DROSHA: variants seen among roughly 807,000 people sequenced by gnomAD.
The protein encoded by DROSHA is ribonuclease 3.
In DROSHA, 56 loss-of-function variants were observed where a neutral mutation model predicts 181.9. The ratio of observed to expected loss-of-function variants is 0.31; its 90% CI spans 0.25 to 0.38. DROSHA has a LOEUF of 0.38. Ranked by LOEUF, DROSHA falls within the 10% of genes least tolerant of loss-of-function variation. DROSHA has a pLI of 1.00. For missense variants in DROSHA, 1,218 were observed against 1,743.5 expected (o/e 0.70, Z 5.37); for synonymous variants, 524 against 591.2 (o/e 0.89, Z 1.65).
At chr5:31,410,696 G>A (rs767655139) in intron 31 of DROSHA, 50 bp downstream of exon 31, 1 of 1,571,774 alleles carries the variant, frequency 6.4e-7, no homozygotes, top group East Asian at 2.3e-5. Flanking sequence ...ACGGTTACTT[G>A]GACTTAAACT....
At chr5:31,475,347 T>C (rs913722028) in intron 16 of DROSHA, among the ~76,000 whole-genome samples, 1 of 152,068 alleles carries the variant, frequency 6.6e-6, no homozygotes, top group African/African-American at 2.4e-5. Flanking sequence ...TAAAAACACA[T>C]TCCAATCCAC....
chr5:31,504,715 G>T, intron 10 of DROSHA, 80 bp from the exon 11 acceptor site: 2 of 1,443,698 alleles, frequency 1.4e-6, no homozygotes, highest in Non-Finnish European at 1.9e-6. Flanking sequence ...GAAAATGCGT[G>T]GGTTTTAATG....
chr5:31,521,685 G>C (rs1159702137), intron 5 of DROSHA, among the ~76,000 whole-genome samples: 9 of 152,118 alleles, frequency 5.9e-5, no homozygotes, highest in Non-Finnish European at 1.0e-4. Context: ...TGGCTTATAG[G>C]CTTGAGTTGT....
In DROSHA at chr5:31,483,620, A is replaced by G. The variant is rs576947167; in HGVS notation, c.2005T>C (p.Phe669Leu). The G allele has an allele frequency of 7.5e-6, 12 of 1,610,620 alleles. No individual in the cohort carries two copies. In the South Asian group the frequency reaches 1.3e-4, roughly 18 times the overall value. ...GGGCAGCAGGGAGGGCTGTCTTCAA[A>G]CAAAGGACCTGAAGCAAACAAATGA... The part of the protein sequence containing the change: ...LYDWNLKGPL[F>L]EDSPPCCPRF... Residue 669 changes from phenylalanine to leucine, a missense_variant, in exon 16 of 36, where the codon TTT (phenylalanine) becomes CTT (leucine). Around this residue, in one of 8 missense-constraint regions of DROSHA, gnomAD observed 460 missense variants for 774.2 expected, o/e 0.59. Coordinates refer to ENST00000344624, the MANE Select transcript of DROSHA (RefSeq NM_001382508.1).
chr5:31,409,497 T>C lies in DROSHA; in HGVS notation c.3668-165A>G. 1.6e-6 allele frequency: 1 copy of C among 624,172 alleles called. No individual in the cohort carries two copies. Among genetic ancestry groups the C allele is most frequent in the Non-Finnish European group, 2.8e-6 (1 of 354,576 alleles). 38.7% of individuals were successfully genotyped at this position (624,172 alleles called of 1,614,324 possible). On this transcript the variant is annotated intron_variant, in intron 31 of 35. Coordinates refer to ENST00000344624, the MANE Select transcript of DROSHA (RefSeq NM_001382508.1). The surrounding 1 kb of genome is among the most constrained non-coding windows in gnomAD (Gnocchi z 4.0). Reference sequence around the variant, plus strand: ...ATCTTCCCCCACTTTTTATCATTAATATCAGAAGCAGCAAGAGATGTGTAA... The same window carrying C: ...ATCTTCCCCCACTTTTTATCATTAACATCAGAAGCAGCAAGAGATGTGTAA...
intron 17 of DROSHA, among the ~76,000 whole-genome samples, chr5:31,469,776 C>T (rs1275303692): frequency 6.6e-6 from 1 of 152,138 alleles, no homozygotes; most frequent in East Asian, 1.9e-4. Flanking sequence ...TGGCTACACC[C>T]TATAACATTT....
rs1386593427 is a variant in DROSHA at position 31,470,209 on chromosome 5, GC to G, written c.2241+1853del. Among the ~76,000 whole-genome samples, 1 of 152,186 alleles carries G rather than the reference GC, an allele frequency of 6.6e-6. No homozygotes were observed. Among genetic ancestry groups the G allele is most frequent in the Non-Finnish European group, 1.5e-5 (1 of 68,034 alleles). ...TCATGTTGTTAATACTGGCTTTACA[GC>G]ATCTCAAGGATGCACAGTTAATCAT... On this transcript the variant is annotated intron_variant, in intron 17 of 35. Transcript: ENST00000344624. This position sits in a 1 kb window ranked among gnomAD's most constrained non-coding sequence, Gnocchi z 4.0.
intron 9 of DROSHA, among the ~76,000 whole-genome samples, chr5:31,509,195 A>G (rs1449116510): frequency 6.6e-6 from 1 of 151,646 alleles, no homozygotes; most frequent in Non-Finnish European, 1.5e-5. Flanking sequence ...TTATTCTTCT[A>G]GAAAATACTT....
chr5:31,494,749 G>A (rs1580294388), intron 12 of DROSHA, among the ~76,000 whole-genome samples: 1 of 151,902 alleles, frequency 6.6e-6, no homozygotes, highest in African/African-American at 2.4e-5. Context: ...AAAGTGGTGC[G>A]ATCTCGGCTC....
rs918749135 is a variant in DROSHA, at chr5:31,479,173, A to G, written c.2071+4381T>C. On this transcript the variant is annotated intron_variant, in intron 16 of 35. Coordinates refer to ENST00000344624, the MANE Select transcript of DROSHA (RefSeq NM_001382508.1). ...AAGTTGTGTAACATATTGTTATTCC[A>G]CTTGAAGAAAAAAAGCATAATTCTC... Among the ~76,000 whole-genome samples the G allele has an allele frequency of 2.0e-5, 3 of 152,224 alleles. No individual in the cohort carries two copies. The East Asian group carries it at 5.8e-4, about 29-fold the overall frequency.
In DROSHA at chr5:31,508,763, T is replaced by C. The variant is rs1452489319; in HGVS notation, c.1445A>G (p.Glu482Gly). 2 of 1,613,492 alleles carry C rather than the reference T, an allele frequency of 1.2e-6. No individual in the cohort carries two copies. The highest frequency in any genetic ancestry group is 1.7e-6 in the Non-Finnish European group (2 of 1,179,742). The change falls in exon 10 of 36, where the codon GAA (glutamate) becomes GGA (glycine). Residue 482 changes from glutamate (E) to glycine (G), a missense_variant. Glu to Gly is a moderately conservative substitution (Grantham distance 98). Transcript: ENST00000344624. The part of the protein sequence containing the change: ...KLDEDLESSS[E>G]SECESDEDST... ...GTCCTCATCAGACTCACACTCGGAT[T>C]CACTGGAACTCTCTAACAGGGGTTG...
intron 19 of DROSHA, among the ~76,000 whole-genome samples, chr5:31,465,708 C>T (rs1469373384): frequency 6.6e-6 from 1 of 151,266 alleles, no homozygotes; most frequent in Non-Finnish European, 1.5e-5. Flanking sequence ...GTGCCTTCCC[C>T]ACAGTAATGA....
Position 31,530,923 on chromosome 5 carries a change from AC to A in DROSHA, c.-173del. On this transcript the variant is annotated splice_region_variant and 5_prime_UTR_variant, in exon 3 of 36. Coordinates refer to ENST00000344624, the MANE Select transcript of DROSHA (RefSeq NM_001382508.1). ...ATCCTTCACATCCCCGGGAAAAGCA[AC>A]CTACACACAGTAGGTGGTCAATAAA... The A allele has an allele frequency of 2.5e-6, 1 of 398,536 alleles. No homozygotes were observed. Among genetic ancestry groups the A allele is most frequent in the Non-Finnish European group, 4.4e-6 (1 of 226,026 alleles). The allele number at this position is 398,536 out of a possible 1,614,324, so 24.7% of individuals were successfully genotyped here.
intron 8 of DROSHA, among the ~76,000 whole-genome samples, chr5:31,511,867 A>G (rs917577975): frequency 4.6e-5 from 7 of 151,892 alleles, no homozygotes; most frequent in Non-Finnish European, 1.0e-4. Context: ...ATCTTCTCCT[A>G]TATCAATCCA....
chr5:31,503,011 G>A (rs545957682), intron 11 of DROSHA, among the ~76,000 whole-genome samples: 12 of 152,224 alleles, frequency 7.9e-5, no homozygotes, highest in African/African-American at 2.9e-4. Flanking sequence ...GAAGGTCTTG[G>A]GGTAGAGACT....
intron 25 of DROSHA, among the ~76,000 whole-genome samples, 196 bp downstream of exon 25, chr5:31,435,569 T>C (rs1209841597): frequency 1.3e-5 from 2 of 152,234 alleles, no homozygotes; most frequent in Admixed American, 6.5e-5. Context: ...GTTCATTAGC[T>C]GCTGGTGAAA....
At chr5:31,436,847 T>G (rs1453799436) in intron 24 of DROSHA, among the ~76,000 whole-genome samples, 1 of 150,294 alleles carries the variant, frequency 6.7e-6, no homozygotes, top group Non-Finnish European at 1.5e-5. Flanking sequence ...TCCCTTGAGA[T>G]CAGAAAGAGT....
rs373210090 is a variant in DROSHA at position 31,493,192 on chromosome 5, C to T, written c.1842+15G>A. The T allele has an allele frequency of 1.1e-5, 18 of 1,598,254 alleles. No individual in the cohort carries two copies. In the African/African-American group the frequency reaches 2.4e-4, roughly 21 times the overall value. Reference sequence around the variant, plus strand: ...TACAAGGAAAGAGAAAAGCAGCCAACTGGCACATACTTACATTGGTCAGGG... The same window carrying T: ...TACAAGGAAAGAGAAAAGCAGCCAATTGGCACATACTTACATTGGTCAGGG... On this transcript the variant is annotated intron_variant, in intron 13 of 35. Coordinates refer to ENST00000344624, the MANE Select transcript of DROSHA (RefSeq NM_001382508.1).
Position 31,400,779 on chromosome 5 carries a change from C to T in DROSHA, c.*653G>A, listed in dbSNP as rs1391421746. 6.5e-6 allele frequency: 1 copy of T among 152,702 alleles called. No individual in the cohort carries two copies. The highest frequency in any genetic ancestry group is 6.5e-5 in the Admixed American group (1 of 15,304). The allele number at this position is 152,702 out of a possible 1,614,324, so 9.5% of individuals were successfully genotyped here. ...GGTTCCACTAACCCCAGGGTGAGAG[C>T]ACTTGGTTTAAAGTGTGGCCTGGCT... On this transcript the variant is annotated 3_prime_UTR_variant, in exon 36 of 36. Coordinates refer to ENST00000344624, the MANE Select transcript of DROSHA (RefSeq NM_001382508.1).
Sources: allele counts gnomAD v4.1 joint callset (sites outside exome capture counted in the v4.1 genomes callset), GRCh38; gene constraint gnomAD v4.1.1; regional missense constraint gnomAD v4.1.1; non-coding constraint Gnocchi (gnomAD v3.1); transcripts MANE v1.5; gene names NCBI Gene and HGNC (gene_info 2026-07-23, HGNC 2026-07-21).